Variants in VGLL4 observed in about 807,000 individuals in gnomAD.
VGLL4 encodes the protein vestigial like family member 4.
A neutral mutation model predicts 21.0 loss-of-function variants in VGLL4; 7 were observed. That is an observed-to-expected ratio of 0.33 (90% CI 0.19 to 0.63). VGLL4 has a LOEUF of 0.63. VGLL4 is among the 20% of genes least tolerant of loss of function. The pLI, the probability that VGLL4 is intolerant of heterozygous loss-of-function variation, is 0.78. For missense variants in VGLL4, 394 were observed against 425.7 expected, an observed-to-expected ratio of 0.93 and a Z score of 0.66; for synonymous variants, 222 against 173.2, an observed-to-expected ratio of 1.28 and a Z score of -2.21.
intron 2 of VGLL4, among the ~76,000 whole-genome samples, chr3:11,590,319 A>G (rs961643971): frequency 6.6e-6 from 1 of 152,232 alleles, no homozygotes; most frequent in Admixed American, 6.5e-5. Flanking sequence ...GTGCTTCTAC[A>G]TTGACCTGAC....
At chr3:11,703,152 T>A in intron 1 of VGLL4, 2 of 964,210 alleles carry the variant, frequency 2.1e-6, no homozygotes. Flanking sequence ...ATGCAAATCA[T>A]TCTTCTAAGG....
At chr3:11,658,177 CA>C (rs1401450708) in intron 2 of VGLL4, among the ~76,000 whole-genome samples, 4 of 152,168 alleles carry the variant, frequency 2.6e-5, no homozygotes, top group African/African-American at 7.2e-5. Context: ...TCAAGCGACC[CA>C]CCTGCCTTGG....
At position 11,564,102 on chromosome 3, in the gene VGLL4, G is replaced by T. The variant is rs1434638582; in HGVS notation, c.495+695C>A. ...AGGACCTATTAGGTCGCAGTCCCTG[G>T]AGATTCGGAGAGCTCAAGCAGTAAT... On this transcript the variant is annotated intron_variant, in intron 3 of 4. Coordinates refer to ENST00000430365, the MANE Select transcript of VGLL4 (RefSeq NM_001128219.3). Among the ~76,000 whole-genome samples, 13 of 152,338 alleles carry T rather than the reference G, an allele frequency of 8.5e-5. No homozygotes were observed. The East Asian group carries it at 2.5e-3, about 29-fold the overall frequency.
chr3:11,689,261 C>G (rs181251910), intron 2 of VGLL4, among the ~76,000 whole-genome samples: 9 of 152,238 alleles, frequency 5.9e-5, no homozygotes, highest in African/African-American at 2.2e-4. Context: ...CTCAGCCCAC[C>G]AGAACATGCA....
At chr3:11,575,937 G>A (rs757582165) in intron 2 of VGLL4, among the ~76,000 whole-genome samples, 4 of 152,210 alleles carry the variant, frequency 2.6e-5, no homozygotes, top group African/African-American at 4.8e-5. Context: ...CCAGCAGCGC[G>A]GAGCCCGTCC....
At chr3:11,660,886 TG>T (rs1162603949) in intron 2 of VGLL4, among the ~76,000 whole-genome samples, 1 of 152,190 alleles carries the variant, frequency 6.6e-6, no homozygotes, top group Non-Finnish European at 1.5e-5. Flanking sequence ...TTAAACTTTA[TG>T]TTAACTGAAC....
chr3:11,713,091 G>A (rs1203831239), intron 1 of VGLL4, among the ~76,000 whole-genome samples: 8 of 152,140 alleles, frequency 5.3e-5, no homozygotes, highest in African/African-American at 1.2e-4. Context: ...TGAGATCCAC[G>A]AACAGGTACA....
chr3:11,702,970 C>G lies in VGLL4; in HGVS notation c.64+1G>C. On this transcript the variant is annotated splice_donor_variant, in intron 2 of 5. Coordinates refer to the VGLL4 transcript ENST00000273038. LOFTEE classifies it high-confidence loss of function. ...TATTTTATAATAGACTCCTCACTTA[C>G]GTTTTTCGTCATCAGCATGCACCAG... is the stretch of plus-strand genomic sequence containing the variant. 6.2e-7 allele frequency: 1 copy of G among 1,610,874 alleles called. No individual in the cohort carries two copies. The highest frequency in any genetic ancestry group is 8.5e-7 in the Non-Finnish European group (1 of 1,178,256).
chr3:11,563,675 G>A (rs2073247832), intron 3 of VGLL4, among the ~76,000 whole-genome samples: 2 of 152,214 alleles, frequency 1.3e-5, no homozygotes, highest in South Asian at 4.1e-4. Context: ...CTCTCCTCCA[G>A]ACTAAAACTG....
intron 2 of VGLL4, among the ~76,000 whole-genome samples, chr3:11,686,709 C>G (rs2076454159): frequency 6.6e-6 from 1 of 152,180 alleles, no homozygotes; most frequent in South Asian, 2.1e-4. Context: ...CATTCTTCCT[C>G]CATGGATTTT....
At chr3:11,687,851 G>A (rs1163649573) in intron 2 of VGLL4, among the ~76,000 whole-genome samples, 3 of 152,042 alleles carry the variant, frequency 2.0e-5, no homozygotes, top group African/African-American at 2.4e-5. Flanking sequence ...TAGCTAGAAC[G>A]TCAAGTTCAA....
chr3:11,603,393 T>G (rs1366645387), intron 1 of VGLL4, among the ~76,000 whole-genome samples: 1 of 152,164 alleles, frequency 6.6e-6, no homozygotes, highest in Non-Finnish European at 1.5e-5. Context: ...CCTGCCACAC[T>G]CAGAAATTCA....
chr3:11,647,573 A>G (rs745925955), upstream of VGLL4, among the ~76,000 whole-genome samples: 2 of 152,208 alleles, frequency 1.3e-5, no homozygotes, highest in Non-Finnish European at 2.9e-5. Flanking sequence ...ATGCTCCAAT[A>G]TGAGCATTTT....
chr3:11,605,219 G>A (rs1330378108), intron 1 of VGLL4, among the ~76,000 whole-genome samples: 1 of 10,944 alleles, frequency 9.1e-5, no homozygotes, highest in African/African-American at 2.8e-4. Flanking sequence ...CTTCCAAAGC[G>A]CCCCCACGCC....
intron 1 of VGLL4, among the ~76,000 whole-genome samples, chr3:11,606,238 A>G (rs750032504): frequency 4.6e-5 from 7 of 152,238 alleles, no homozygotes; most frequent in Non-Finnish European, 8.8e-5. Flanking sequence ...CGATTCAGTT[A>G]TCTCCCACCA....
intron 1 of VGLL4, among the ~76,000 whole-genome samples, chr3:11,627,595 CAAAAA>C (rs57607183): frequency 0.047 from 5,563 of 118,640 alleles, 149 homozygotes; most frequent in South Asian, 0.16. Context: ...AACTTCATCT[CAAAAA>C]AAAAAAAAAA....
intron 2 of VGLL4, among the ~76,000 whole-genome samples, chr3:11,682,722 A>G (rs564942578): frequency 1.3e-5 from 2 of 152,208 alleles, no homozygotes; most frequent in East Asian, 3.9e-4. Context: ...AATAACGGAC[A>G]GTTTAGTGAA....
exon 2 of VGLL4, chr3:11,703,024 G>A: frequency 6.2e-7 from 1 of 1,612,442 alleles, no homozygotes; most frequent in Middle Eastern, 1.7e-4. Context: ...AACATCCAAT[G>A]GCGTCTCCAT....
intron 2 of VGLL4, among the ~76,000 whole-genome samples, chr3:11,585,870 T>G (rs901229119): frequency 6.6e-6 from 1 of 152,158 alleles, no homozygotes. Flanking sequence ...AATCCCTCCT[T>G]TATCATATAC....
Sources: gnomAD v4.1 joint callset for allele counts (sites outside exome capture counted in the v4.1 genomes callset) on GRCh38, gnomAD v4.1.1 for gene constraint, MANE v1.5 for transcripts, NCBI Gene and HGNC (gene_info 2026-07-23, HGNC 2026-07-21) for gene names.